The following CLASP1 variants were observed in gnomAD, a reference collection of about 807,000 sequenced individuals.
CLASP1 encodes cytoplasmic linker associated protein 1.
A neutral mutation model predicts 192.3 loss-of-function variants in CLASP1; 38 were observed. That is an observed-to-expected ratio of 0.20 (90% CI 0.15 to 0.26). The LOEUF (loss-of-function observed/expected upper bound fraction) is 0.26. Among genes scored for constraint, CLASP1 ranks in the 10% least tolerant of loss-of-function variants. The pLI is 1.00. For missense variants in CLASP1, 1,433 were observed against 1,932.5 expected, an observed-to-expected ratio of 0.74 and a Z score of 4.85; for synonymous variants, 691 against 712.8, an observed-to-expected ratio of 0.97 and a Z score of 0.49.
intron 28 of CLASP1, 91 bp downstream of exon 29, chr2:121,401,418 G>T: frequency 1.0e-6 from 1 of 979,834 alleles, no homozygotes; most frequent in Non-Finnish European, 1.5e-6. Flanking sequence ...TCAAGGGGGT[G>T]ACAAAGGCCA....
intron 8 of CLASP1, among the ~76,000 whole-genome samples, chr2:121,481,239 T>C (rs969227387): frequency 6.6e-6 from 1 of 152,146 alleles, no homozygotes; most frequent in African/African-American, 2.4e-5. Flanking sequence ...TTCAAAAATA[T>C]TTCAATAGAA....
At position 121,361,660 on chromosome 2, in the gene CLASP1, C is replaced by T. The variant is rs1573786908; in HGVS notation, c.4206+1512G>A. ...ATTTTATGTGTGGCCTAAGACAATT[C>T]TTCCAACGCAGCCCAGGGAAGCCAA... On this transcript the variant is annotated intron_variant, in intron 37 of 39. Transcript: ENST00000263710. 2.6e-5 allele frequency among the ~76,000 whole-genome samples: 4 copies of T among 152,204 alleles called. 1 individual carries two copies. The South Asian group carries it at 8.3e-4, about 32-fold the overall frequency.
chr2:121,405,231 C>G (rs1461240768), intron 25 of CLASP1, among the ~76,000 whole-genome samples: 2 of 152,158 alleles, frequency 1.3e-5, no homozygotes, highest in African/African-American at 2.4e-5. Flanking sequence ...ATTGTTTGAA[C>G]CCAGGAGGCA....
chr2:121,561,177 G>T (rs1445173591), intron 2 of CLASP1, among the ~76,000 whole-genome samples: 1 of 152,220 alleles, frequency 6.6e-6, no homozygotes, highest in Non-Finnish European at 1.5e-5. Context: ...AAAGTGCTGG[G>T]ATTACAGGCA....
At position 121,404,353 on chromosome 2, in the gene CLASP1, G is replaced by A. The variant is rs758064970; in HGVS notation, c.2733+18C>T. The A allele has an allele frequency of 5.6e-6, 9 of 1,609,682 alleles. No homozygotes were observed. In the African/African-American group the frequency reaches 1.2e-4, roughly 22 times the overall value. On this transcript the variant is annotated intron_variant, in intron 26 of 39. Coordinates refer to ENST00000263710, the Ensembl canonical transcript of CLASP1. ...ACATGCAGGGGTAAAGACAGGGCAG[G>A]CATGACTTCAGACTTACCTTGCTAT...
intron 20 of CLASP1, 57 bp downstream of exon 20, chr2:121,430,016 C>T (rs764026107): frequency 6.0e-4 from 772 of 1,291,508 alleles, no homozygotes; most frequent in Middle Eastern, 1.1e-3. Flanking sequence ...TGTTCAACTG[C>T]AGAATGAGCT....
intron 22 of CLASP1, among the ~76,000 whole-genome samples, chr2:121,422,927 C>G (rs944707384): frequency 6.6e-6 from 1 of 151,870 alleles, no homozygotes; most frequent in African/African-American, 2.4e-5. Flanking sequence ...GATGTTCCTC[C>G]TCTTTTTTTC....
At chr2:121,528,495 T>G (rs1319943317) in intron 4 of CLASP1, among the ~76,000 whole-genome samples, 182 bp downstream of exon 4, 1 of 152,240 alleles carries the variant, frequency 6.6e-6, no homozygotes, top group Non-Finnish European at 1.5e-5. Context: ...ATCTCATAGT[T>G]TTGTGACTTA....
chr2:121,377,511 C>T (rs1419753761), exon 34 of CLASP1: 1 of 1,604,454 alleles, frequency 6.2e-7, no homozygotes. Flanking sequence ...TATCACACTC[C>T]TTTTTGCCAT....
At chr2:121,433,216 G>C (rs1342461481) in intron 19 of CLASP1, among the ~76,000 whole-genome samples, 1 of 151,824 alleles carries the variant, frequency 6.6e-6, no homozygotes, top group Non-Finnish European at 1.5e-5. Flanking sequence ...CAGCTACTTG[G>C]AAGGCTGAGG....
At chr2:121,612,166 T>C (rs1426061915) in intron 1 of CLASP1, among the ~76,000 whole-genome samples, 1 of 76,544 alleles carries the variant, frequency 1.3e-5, no homozygotes, top group African/African-American at 5.4e-5. Context: ...GTTGGAGGAG[T>C]TTCAGGAGGA....
intron 8 of CLASP1, among the ~76,000 whole-genome samples, chr2:121,477,384 C>CA (rs2091763373): frequency 1.3e-5 from 2 of 152,216 alleles, no homozygotes; most frequent in East Asian, 3.9e-4. Flanking sequence ...GACAAATCAA[C>CA]AAAGACAATT....
chr2:121,397,350 G>A (rs1220895343), intron 29 of CLASP1, 67 bp from the exon 31 acceptor site: 2 of 1,444,058 alleles, frequency 1.4e-6, no homozygotes, highest in African/African-American at 1.4e-5. Flanking sequence ...TTCTTATCAG[G>A]TGGCCAGAGA....
At chr2:121,565,595 T>C (rs770638507) in intron 2 of CLASP1, among the ~76,000 whole-genome samples, 13 of 152,228 alleles carry the variant, frequency 8.5e-5, no homozygotes, top group Non-Finnish European at 1.6e-4. Flanking sequence ...TGACCTTCCA[T>C]GCTCATCCCT....
intron 19 of CLASP1, among the ~76,000 whole-genome samples, chr2:121,436,529 G>A (rs1033141457): frequency 4.0e-5 from 6 of 151,138 alleles, no homozygotes; most frequent in African/African-American, 1.5e-4. Flanking sequence ...TCACACCTCA[G>A]CCTCCCAAGC....
chr2:121,430,224 G>T, intron 19 of CLASP1, 47 bp from the exon 20 acceptor site: 1 of 1,394,130 alleles, frequency 7.2e-7, no homozygotes, highest in Non-Finnish European at 9.9e-7. Context: ...TCCAGTAAGT[G>T]CCACCTCCTC....
chr2:121,362,795 C>T (rs2066668409), intron 37 of CLASP1, among the ~76,000 whole-genome samples: 1 of 152,202 alleles, frequency 6.6e-6, no homozygotes, highest in South Asian at 2.1e-4. Context: ...CTGGGACTTG[C>T]ATGTCTGTGA....
intron 2 of CLASP1, among the ~76,000 whole-genome samples, chr2:121,536,151 G>C (rs1005515221): frequency 3.3e-5 from 5 of 151,326 alleles, no homozygotes; most frequent in African/African-American, 4.9e-5. Context: ...GGAGGCCGAG[G>C]TGGGCAGATC....
chr2:121,451,722 C>A, intron 15 of CLASP1, 68 bp downstream of exon 15: 1 of 1,230,888 alleles, frequency 8.1e-7, no homozygotes, highest in East Asian at 2.5e-5. Flanking sequence ...CCAGCTGGAC[C>A]ACTCACCAAA....
Sources: gnomAD v4.1 joint callset for allele counts (sites outside exome capture counted in the v4.1 genomes callset) on GRCh38, gnomAD v4.1.1 for gene constraint, MANE v1.5 for transcripts, NCBI Gene and HGNC (gene_info 2026-07-23, HGNC 2026-07-21) for gene names.